Variants in CLDN1 observed in about 807,000 individuals in gnomAD.
The protein encoded by CLDN1 is claudin-1.
CLDN1 carries 12 observed loss-of-function variants against 22.6 expected under a neutral mutation model. That is an observed-to-expected ratio of 0.53 (90% CI 0.34 to 0.86). The LOEUF is 0.86. CLDN1 is among the 40% of genes least tolerant of loss of function. CLDN1 has a pLI of 0.02. For synonymous variants in CLDN1, 99 were observed against 103.8 expected, an observed-to-expected ratio of 0.95 and a Z score of 0.28; for missense variants, 250 against 269.5, an observed-to-expected ratio of 0.93 and a Z score of 0.51.
At chr3:190,311,691 T>C (rs981242671) in intron 2 of CLDN1, among the ~76,000 whole-genome samples, 43 of 151,264 alleles carry the variant, frequency 2.8e-4, no homozygotes, top group African/African-American at 9.7e-4. Context: ...TCTATTATTA[T>C]AGCTGTATAA....
At chr3:190,317,066 A>T (rs574794336) in intron 1 of CLDN1, among the ~76,000 whole-genome samples, 83 of 152,310 alleles carry the variant, frequency 5.4e-4, no homozygotes, top group African/African-American at 1.9e-3. Context: ...AGAGAAGTTA[A>T]AAAGGATGTT....
intron 2 of CLDN1, among the ~76,000 whole-genome samples, chr3:190,312,535 A>G (rs6800425): frequency 0.65 from 98,627 of 152,078 alleles, 32,942 homozygotes; most frequent in African/African-American, 0.81. Context: ...TCTTTTCCAC[A>G]TAGTATCTGT....
chr3:190,321,994 C>T lies in CLDN1; in HGVS notation c.213G>A (p.Leu71=). Reference sequence around the variant, plus strand: ...TGGGGGTGCACTCACTGCTCAGATTCAGCAAGGAGTCAAAGACTTTGCACT... The same window carrying T: ...TGGGGGTGCACTCACTGCTCAGATTTAGCAAGGAGTCAAAGACTTTGCACT... The part of the protein sequence containing the change: ...QIQCKVFDSL[L]NLSSTLQATR... The change falls in exon 1 of 4, where the codon CTG becomes CTA. Residue 71 remains leucine, a synonymous_variant. Coordinates refer to ENST00000295522, the MANE Select transcript of CLDN1 (RefSeq NM_021101.5). The T allele has an allele frequency of 6.2e-7, 1 of 1,614,136 alleles. No individual in the cohort carries two copies. Among genetic ancestry groups the T allele is most frequent in the Non-Finnish European group, 8.5e-7 (1 of 1,180,010 alleles).
chr3:190,313,085 G>A, intron 1 of CLDN1, 49 bp from the exon 2 acceptor site: 1 of 1,606,202 alleles, frequency 6.2e-7, no homozygotes, highest in Non-Finnish European at 8.5e-7. Flanking sequence ...GGACCAACAA[G>A]AGAAAAATGG....
At chr3:190,310,854 G>A in intron 2 of CLDN1, among the ~76,000 whole-genome samples, 1 of 152,116 alleles carries the variant, frequency 6.6e-6, no homozygotes, top group Admixed American at 6.6e-5. Flanking sequence ...ATCAATTTAT[G>A]CAACCCAATC....
At chr3:190,313,426 A>G (rs1458771962) in intron 1 of CLDN1, among the ~76,000 whole-genome samples, 2 of 152,212 alleles carry the variant, frequency 1.3e-5, no homozygotes, top group Non-Finnish European at 2.9e-5. Flanking sequence ...ACTATCCTGG[A>G]TGTTAACTAT....
intron 1 of CLDN1, among the ~76,000 whole-genome samples, chr3:190,320,304 A>C (rs1716884061): frequency 6.6e-6 from 1 of 152,214 alleles, no homozygotes; most frequent in Non-Finnish European, 1.5e-5. Flanking sequence ...TAAAACTGAC[A>C]GTGAGACCTC....
chr3:190,316,218 G>C (rs1716763568), intron 1 of CLDN1, among the ~76,000 whole-genome samples: 1 of 152,150 alleles, frequency 6.6e-6, no homozygotes, highest in African/African-American at 2.4e-5. Context: ...ATAGAAATGA[G>C]ATCCTGCTTT....
chr3:190,315,175 C>T (rs1198482687), intron 1 of CLDN1, among the ~76,000 whole-genome samples: 8 of 152,180 alleles, frequency 5.3e-5, no homozygotes, highest in Non-Finnish European at 8.8e-5. Context: ...TAAGATTACA[C>T]TTGGCAGGAA....
intron 2 of CLDN1, among the ~76,000 whole-genome samples, chr3:190,312,463 C>T (rs1045313608): frequency 6.6e-6 from 1 of 152,168 alleles, no homozygotes; most frequent in Non-Finnish European, 1.5e-5. Context: ...AATCCCAATC[C>T]TTCCATCCCT....
intron 1 of CLDN1, among the ~76,000 whole-genome samples, chr3:190,314,565 T>G (rs1716714515): frequency 7.8e-6 from 1 of 128,584 alleles, no homozygotes; most frequent in Non-Finnish European, 1.8e-5. Context: ...TGGCTAAATT[T>G]TTTTTTTTTT....
In CLDN1 at chr3:190,322,226, G is replaced by C; in HGVS notation, c.-20C>G. 2 of 1,610,102 alleles carry C rather than the reference G, an allele frequency of 1.2e-6. No homozygotes were observed. The highest frequency in any genetic ancestry group is 8.5e-7 in the Non-Finnish European group (1 of 1,177,772). On this transcript the variant is annotated 5_prime_UTR_variant, in exon 1 of 4. Coordinates refer to ENST00000295522, the MANE Select transcript of CLDN1 (RefSeq NM_021101.5). ...GGCCATGACTCGCTCGGGCGCCCGC[G>C]CTGGCTCAGGGGTGGCAGGTGCAGA...
chr3:190,313,753 A>C (rs1716688329), intron 1 of CLDN1, among the ~76,000 whole-genome samples: 1 of 152,214 alleles, frequency 6.6e-6, no homozygotes, highest in South Asian at 2.1e-4. Context: ...AATAGCACAC[A>C]CAATAATTCA....
chr3:190,320,072 G>GT (rs367744423), intron 1 of CLDN1, among the ~76,000 whole-genome samples: 1 of 144,540 alleles, frequency 6.9e-6, no homozygotes, highest in Non-Finnish European at 1.5e-5. Context: ...TAAAGTGTGT[G>GT]TGGGGGGGTA....
intron 1 of CLDN1, among the ~76,000 whole-genome samples, chr3:190,315,855 C>A (rs1241773079): frequency 1.3e-5 from 2 of 152,152 alleles, no homozygotes; most frequent in Non-Finnish European, 2.9e-5. Context: ...GGGCATCAAT[C>A]TCATGAGTCG....
intron 2 of CLDN1, among the ~76,000 whole-genome samples, chr3:190,310,781 G>C (rs939309668): frequency 2.6e-5 from 4 of 152,074 alleles, no homozygotes; most frequent in African/African-American, 7.2e-5. Flanking sequence ...CTGCCCCATT[G>C]GCCAAGGGAA....
In CLDN1 at chr3:190,308,326, G is replaced by A. The variant is rs750720009; in HGVS notation, c.587C>T (p.Pro196Leu). 2.5e-6 allele frequency: 4 copies of A among 1,613,782 alleles called. No homozygotes were observed. The East Asian group carries it at 6.7e-5, about 27-fold the overall frequency. ...AGGTGCAGGTTTTGGATAGGGCCTT[G>A]GTGTTGGGTAAGAGGTTGTTTTTCG... Reference protein sequence around the residue: ...CPRKTTSYPTPRPYPKPAPSS... With the variant: ...CPRKTTSYPTLRPYPKPAPSS... Residue 196 changes from proline (P) to leucine (L), a missense_variant, in exon 4 of 4, where the codon CCA becomes CTA. Coordinates refer to ENST00000295522, the MANE Select transcript of CLDN1 (RefSeq NM_021101.5).
chr3:190,312,755 C>CTA (rs1176714805), intron 2 of CLDN1, 117 bp downstream of exon 2: 18 of 1,125,332 alleles, frequency 1.6e-5, no homozygotes, highest in Non-Finnish European at 1.3e-6. Context: ...GACTTCAGGT[C>CTA]TATGTTTGCA....
chr3:190,317,400 T>C (rs1400087945), intron 1 of CLDN1, among the ~76,000 whole-genome samples: 1 of 152,220 alleles, frequency 6.6e-6, no homozygotes, highest in Non-Finnish European at 1.5e-5. Context: ...ATTTTCCACC[T>C]GAAAGTAGAA....
Sources: allele counts gnomAD v4.1 joint callset (sites outside exome capture counted in the v4.1 genomes callset), GRCh38; gene constraint gnomAD v4.1.1; transcripts MANE v1.5; gene names NCBI Gene and HGNC (gene_info 2026-07-23, HGNC 2026-07-21).